Variants in MEF2C observed in about 807,000 individuals in gnomAD.
MEF2C encodes the protein myocyte-specific enhancer factor 2C.
In MEF2C, 6 loss-of-function variants were observed where a neutral mutation model predicts 50.5. The observed-to-expected ratio is 0.12, with a 90% CI of 0.07 to 0.23. The LOEUF (loss-of-function observed/expected upper bound fraction) is 0.23, where lower values mean the gene tolerates loss of function less well. MEF2C is among the 10% of genes least tolerant of loss of function. The probability of loss-of-function intolerance (pLI) is 1.00; values close to 1 mark genes in which losing one functional copy is unlikely to be tolerated. For missense variants in MEF2C, 276 were observed against 605.0 expected (o/e 0.46, Z 5.70); for synonymous variants, 183 against 228.0 (o/e 0.80, Z 1.78).
intron 3 of MEF2C, among the ~76,000 whole-genome samples, chr5:88,780,231 C>T (rs555477509): frequency 1.1e-4 from 17 of 151,960 alleles, no homozygotes; most frequent in Non-Finnish European, 1.9e-4. Flanking sequence ...TTTGTACAAA[C>T]GCAATTGTGG....
chr5:88,781,691 G>T (rs1421797657), intron 3 of MEF2C, among the ~76,000 whole-genome samples: 1 of 152,164 alleles, frequency 6.6e-6, no homozygotes, highest in African/African-American at 2.4e-5. Context: ...ACATGTCCTG[G>T]CTGGGTGTGG....
chr5:88,830,036 T>G (rs304151), intron 1 of MEF2C, among the ~76,000 whole-genome samples: 58,269 of 151,786 alleles, frequency 0.38, 13,070 homozygotes, highest in African/African-American at 0.62. Flanking sequence ...ACATTTACCA[T>G]GAAGATCTCA....
At chr5:88,833,594 C>T (rs1255322806) in intron 1 of MEF2C, among the ~76,000 whole-genome samples, 1 of 152,034 alleles carries the variant, frequency 6.6e-6, no homozygotes, top group Non-Finnish European at 1.5e-5. Flanking sequence ...GCAATTGAAC[C>T]TCATCAAAGT....
intron 2 of MEF2C, among the ~76,000 whole-genome samples, chr5:88,808,051 T>G (rs1801259304): frequency 6.6e-6 from 1 of 152,186 alleles, no homozygotes; most frequent in African/African-American, 2.4e-5. Context: ...TTTAGAAACT[T>G]TTATTCTGTT....
At position 88,756,661 on chromosome 5, in the gene MEF2C, C is replaced by T. The variant is rs549196150; in HGVS notation, c.402+4524G>A. Among the ~76,000 whole-genome samples the T allele has an allele frequency of 3.9e-5, 6 of 152,262 alleles. No individual in the cohort carries two copies. The South Asian group carries it at 1.2e-3, about 32-fold the overall frequency. Reference sequence around the variant, plus strand: ...TGGTTGTATCTATGAAGAGATGAAGCTGCTCTAAACATTTTAGGGAATGCA... The same window carrying T: ...TGGTTGTATCTATGAAGAGATGAAGTTGCTCTAAACATTTTAGGGAATGCA... On this transcript the variant is annotated intron_variant, in intron 4 of 10. Coordinates refer to ENST00000504921, the MANE Select transcript of MEF2C (RefSeq NM_002397.5).
chr5:88,749,411 G>A (rs1771538832), intron 5 of MEF2C: 1 of 984,860 alleles, frequency 1.0e-6, no homozygotes, highest in Non-Finnish European at 1.2e-6. Flanking sequence ...TTTTCCCTAA[G>A]CAGATGTTTT....
At chr5:88,868,940 G>A (rs1212725790) in intron 1 of MEF2C, among the ~76,000 whole-genome samples, 1 of 151,790 alleles carries the variant, frequency 6.6e-6, no homozygotes, top group African/African-American at 2.4e-5. Context: ...CTTACAATAG[G>A]CACGTATACA....
At chr5:88,813,500 A>G (rs954685352) in intron 2 of MEF2C, among the ~76,000 whole-genome samples, 5 of 152,020 alleles carry the variant, frequency 3.3e-5, no homozygotes, top group African/African-American at 1.2e-4. Context: ...CCTCAGAAGA[A>G]CTTTCCTGCC....
intron 6 of MEF2C, chr5:88,744,123 A>C: frequency 1.0e-6 from 1 of 985,338 alleles, no homozygotes; most frequent in South Asian, 4.7e-5. Flanking sequence ...AAGTGAAAAC[A>C]AAGGATACTA....
At chr5:88,838,496 G>T in intron 1 of MEF2C, 2 of 909,726 alleles carry the variant, frequency 2.2e-6, no homozygotes, top group Non-Finnish European at 2.6e-6. Flanking sequence ...CAAAAGAATT[G>T]TCTTCCTGAT....
intron 1 of MEF2C, among the ~76,000 whole-genome samples, chr5:88,901,178 G>GT (rs752242336): frequency 6.6e-6 from 1 of 151,794 alleles, no homozygotes; most frequent in Non-Finnish European, 1.5e-5. Flanking sequence ...CCACTTACTT[G>GT]TTTTTTATCT....
intron 3 of MEF2C, chr5:88,772,882 A>G (rs1783018213): frequency 1.0e-6 from 1 of 985,374 alleles, no homozygotes; most frequent in Non-Finnish European, 1.2e-6. Context: ...TGTGAAGAAC[A>G]AACACACTTA....
chr5:88,786,025 C>T (rs1408023366), intron 3 of MEF2C, among the ~76,000 whole-genome samples: 1 of 152,100 alleles, frequency 6.6e-6, no homozygotes, highest in Non-Finnish European at 1.5e-5. Flanking sequence ...TTTTCCTTGG[C>T]ACGACTGAGA....
At chr5:88,896,661 AATC>A (rs775309659) in intron 1 of MEF2C, among the ~76,000 whole-genome samples, 1 of 152,212 alleles carries the variant, frequency 6.6e-6, no homozygotes. Context: ...TTATATTAAA[AATC>A]ATCACTCAAG....
At chr5:88,789,773 A>T (rs746700249) in intron 3 of MEF2C, among the ~76,000 whole-genome samples, 51 of 152,162 alleles carry the variant, frequency 3.4e-4, no homozygotes, top group Non-Finnish European at 6.8e-4. Context: ...TTGAGACATG[A>T]CTGGATAATA....
chr5:88,756,718 A>G (rs1405413163), intron 4 of MEF2C, among the ~76,000 whole-genome samples: 2 of 152,214 alleles, frequency 1.3e-5, no homozygotes, highest in Non-Finnish European at 2.9e-5. Flanking sequence ...TATTTCTAAG[A>G]AATTGGCATT....
chr5:88,756,781 T>G (rs1775520428), intron 4 of MEF2C, among the ~76,000 whole-genome samples: 1 of 118,608 alleles, frequency 8.4e-6, no homozygotes. Context: ...GCATCTACAT[T>G]TAAACAATTT....
At chr5:88,883,226 T>C (rs886060868), upstream of MEF2C, 6 of 126,250 alleles carry the variant, frequency 4.8e-5, no homozygotes, top group East Asian at 8.4e-4. Context: ...TGTGCGTGTG[T>C]GCGCGCGCGC....
chr5:88,782,151 G>A, intron 3 of MEF2C: 1 of 981,134 alleles, frequency 1.0e-6, no homozygotes, highest in Non-Finnish European at 1.2e-6. Flanking sequence ...TCAATTTACT[G>A]TAAAGAAGCT....
Sources: gnomAD v4.1 joint callset for allele counts (sites outside exome capture counted in the v4.1 genomes callset) on GRCh38, gnomAD v4.1.1 for gene constraint, MANE v1.5 for transcripts, NCBI Gene and HGNC (gene_info 2026-07-23, HGNC 2026-07-21) for gene names.